Variants in RALYL observed in about 807,000 individuals in gnomAD.
The protein encoded by RALYL is RNA-binding Raly-like protein.
RALYL carries 29 observed loss-of-function variants against 35.1 expected under a neutral mutation model. The ratio of observed to expected loss-of-function variants is 0.83; its 90% CI spans 0.61 to 1.13. The LOEUF (loss-of-function observed/expected upper bound fraction) is 1.13, where lower values mean the gene tolerates loss of function less well. Ranked by LOEUF, RALYL falls within the 50% of genes most tolerant of loss-of-function variation. The pLI, the probability that RALYL is intolerant of heterozygous loss-of-function variation, is 0.00. For missense variants in RALYL, 359 were observed against 360.4 expected (o/e 1.00, Z 0.03); for synonymous variants, 120 against 127.6 (o/e 0.94, Z 0.40).
chr8:84,555,088 G>T (rs576463997), intron 2 of RALYL, among the ~76,000 whole-genome samples: 1 of 152,242 alleles, frequency 6.6e-6, no homozygotes, highest in South Asian at 2.1e-4. Flanking sequence ...AGACCAGCCT[G>T]ACCAACATGG....
At chr8:84,911,711 CTTT>C (rs1847543508) in intron 8 of RALYL, among the ~76,000 whole-genome samples, 1 of 152,106 alleles carries the variant, frequency 6.6e-6, no homozygotes, top group Non-Finnish European at 1.5e-5. Context: ...CAAGTCCCAG[CTTT>C]TTACCTGTGC....
chr8:84,676,090 A>G (rs972350220), intron 2 of RALYL, among the ~76,000 whole-genome samples: 26 of 152,202 alleles, frequency 1.7e-4, no homozygotes, highest in Non-Finnish European at 2.2e-4. Flanking sequence ...ATACCTCAAC[A>G]AGGCTGGAAA....
intron 2 of RALYL, among the ~76,000 whole-genome samples, chr8:84,723,267 G>T (rs1430254463): frequency 6.6e-6 from 1 of 151,958 alleles, no homozygotes; most frequent in Non-Finnish European, 1.5e-5. Context: ...AAAAGTTCCA[G>T]CTTTATCTAG....
At chr8:84,344,020 A>T (rs1849357868) in intron 1 of RALYL, among the ~76,000 whole-genome samples, 1 of 152,052 alleles carries the variant, frequency 6.6e-6, no homozygotes, top group South Asian at 2.1e-4. Flanking sequence ...CAACGTGTTC[A>T]ATTTCATATT....
chr8:84,762,785 G>C lies in RALYL; in HGVS notation c.257-11794G>C, dbSNP rs956047069. On this transcript the variant is annotated intron_variant, in intron 2 of 8. Coordinates refer to ENST00000521268, the MANE Select transcript of RALYL (RefSeq NM_173848.7). ...TTTTTCTAAATGTGTGTGAAAATTT[G>C]ATCAACTATGAAATGACATACAAAT... 4.6e-5 allele frequency among the ~76,000 whole-genome samples: 7 copies of C among 152,182 alleles called. No individual in the cohort carries two copies. In the East Asian group the frequency reaches 1.4e-3, roughly 29 times the overall value.
chr8:84,266,416 G>T (rs1241538146), intron 1 of RALYL, among the ~76,000 whole-genome samples: 1 of 152,184 alleles, frequency 6.6e-6, no homozygotes, highest in Non-Finnish European at 1.5e-5. Flanking sequence ...TGAGACCAAT[G>T]AAATCATGTT....
At chr8:84,275,087 ATCT>A (rs1329605058) in intron 1 of RALYL, among the ~76,000 whole-genome samples, 3 of 152,182 alleles carry the variant, frequency 2.0e-5, no homozygotes, top group Non-Finnish European at 4.4e-5. Flanking sequence ...GTTACAAATC[ATCT>A]TCTTTTGGTC....
intron 1 of RALYL, among the ~76,000 whole-genome samples, chr8:84,495,837 T>C (rs1001397602): frequency 6.6e-6 from 1 of 152,144 alleles, no homozygotes; most frequent in Non-Finnish European, 1.5e-5. Flanking sequence ...GTAACAAGGA[T>C]AGCAAAACCA....
intron 1 of RALYL, among the ~76,000 whole-genome samples, chr8:84,430,627 T>C (rs2047045954): frequency 6.6e-6 from 1 of 152,140 alleles, no homozygotes; most frequent in Non-Finnish European, 1.5e-5. Context: ...AATCATGTTT[T>C]TTATAAAATT....
chr8:84,249,292 C>G (rs1299654415), intron 1 of RALYL, among the ~76,000 whole-genome samples: 5 of 151,910 alleles, frequency 3.3e-5, no homozygotes. Context: ...TGTATTTAGC[C>G]AGGCACAGTC....
At chr8:84,280,352 A>G (rs2132070309) in intron 1 of RALYL, among the ~76,000 whole-genome samples, 1 of 152,094 alleles carries the variant, frequency 6.6e-6, no homozygotes, top group Middle Eastern at 3.4e-3. Flanking sequence ...AAATTTCTAC[A>G]TGGAAAAATA....
chr8:84,387,200 T>C (rs1859414314), intron 1 of RALYL, among the ~76,000 whole-genome samples: 1 of 151,880 alleles, frequency 6.6e-6, no homozygotes, highest in Non-Finnish European at 1.5e-5. Flanking sequence ...TTTATTAAAA[T>C]CATTTTCTGT....
intron 1 of RALYL, among the ~76,000 whole-genome samples, chr8:84,280,602 A>G (rs1261597099): frequency 6.6e-6 from 1 of 151,794 alleles, no homozygotes; most frequent in Non-Finnish European, 1.5e-5. Flanking sequence ...GTACATCACC[A>G]TACCATAATA....
intron 2 of RALYL, among the ~76,000 whole-genome samples, chr8:84,596,992 T>C (rs571616820): frequency 6.6e-6 from 1 of 152,150 alleles, no homozygotes; most frequent in Non-Finnish European, 1.5e-5. Flanking sequence ...TGATAGTTGA[T>C]AGAAAACAAG....
intron 1 of RALYL, among the ~76,000 whole-genome samples, chr8:84,388,415 C>T (rs1372766323): frequency 6.6e-6 from 1 of 152,134 alleles, no homozygotes; most frequent in Non-Finnish European, 1.5e-5. Flanking sequence ...GAGGAATCGC[C>T]ACACTGACTT....
chr8:84,740,752 C>T (rs183964524), intron 2 of RALYL, among the ~76,000 whole-genome samples: 51 of 152,074 alleles, frequency 3.4e-4, no homozygotes, highest in African/African-American at 1.2e-3. Flanking sequence ...TGGATAAAAT[C>T]GATGGCTCTG....
chr8:84,658,028 G>A (rs543158771), intron 2 of RALYL, among the ~76,000 whole-genome samples: 1 of 152,266 alleles, frequency 6.6e-6, no homozygotes, highest in East Asian at 1.9e-4. Flanking sequence ...AACAGGATGG[G>A]AGGTTGGACA....
At chr8:84,814,512 C>T (rs1352220267) in intron 4 of RALYL, among the ~76,000 whole-genome samples, 1 of 152,134 alleles carries the variant, frequency 6.6e-6, no homozygotes, top group East Asian at 1.9e-4. Context: ...TTTTAATATG[C>T]ATCTCATCTT....
At chr8:84,849,085 A>C (rs1282811177) in intron 4 of RALYL, among the ~76,000 whole-genome samples, 2 of 152,212 alleles carry the variant, frequency 1.3e-5, no homozygotes, top group Admixed American at 6.5e-5. Context: ...GATGACTGTA[A>C]TTGAAATGCA....
Sources: gnomAD v4.1 joint callset for allele counts (sites outside exome capture counted in the v4.1 genomes callset) on GRCh38, gnomAD v4.1.1 for gene constraint, MANE v1.5 for transcripts, NCBI Gene and HGNC (gene_info 2026-07-23, HGNC 2026-07-21) for gene names.